The following CDH12 variants were observed in gnomAD, a reference collection of about 807,000 sequenced individuals.
CDH12 encodes the protein cadherin-12.
Under a neutral mutation model 74.1 loss-of-function variants are expected in CDH12, and 41 were observed. The observed-to-expected ratio is 0.55, with a 90% CI of 0.43 to 0.72. CDH12 has a LOEUF of 0.72. CDH12 is among the 30% of genes least tolerant of loss of function. The pLI is 0.00. For synonymous variants in CDH12, 399 were observed against 355.0 expected, an observed-to-expected ratio of 1.12 and a Z score of -1.39; for missense variants, 945 against 977.2, an observed-to-expected ratio of 0.97 and a Z score of 0.44.
intron 1 of CDH12, among the ~76,000 whole-genome samples, chr5:22,679,607 T>A (rs1192337940): frequency 1.3e-5 from 2 of 152,100 alleles, no homozygotes; most frequent in African/African-American, 4.8e-5. Flanking sequence ...CTGGGCATAT[T>A]ACTTGGATAG....
chr5:22,786,860 A>G (rs1224203085), intron 1 of CDH12, among the ~76,000 whole-genome samples: 1 of 152,036 alleles, frequency 6.6e-6, no homozygotes, highest in Non-Finnish European at 1.5e-5. Flanking sequence ...CTGGGACTAC[A>G]GATGCATGCC....
chr5:22,802,938 CTTGAAATTCATCA>C (rs796198132), intron 1 of CDH12, among the ~76,000 whole-genome samples: 46 of 152,212 alleles, frequency 3.0e-4, no homozygotes, highest in African/African-American at 1.1e-3. Context: ...TCATATTCAG[CTTGAAATTCATCA>C]TAAAGACCCA....
intron 2 of CDH12, among the ~76,000 whole-genome samples, chr5:22,446,434 TCAACAA>T (rs141057759): frequency 6.6e-6 from 1 of 152,038 alleles, no homozygotes; most frequent in African/African-American, 2.4e-5. Context: ...TACATTCTGT[TCAACAA>T]CAACAACAAC....
intron 3 of CDH12, among the ~76,000 whole-genome samples, chr5:22,305,705 A>G (rs1407245553): frequency 6.6e-6 from 1 of 152,174 alleles, no homozygotes; most frequent in Admixed American, 6.5e-5. Flanking sequence ...TGGGGGCAGC[A>G]AGTCCTCTGA....
chr5:22,610,423 A>C (rs1450445417), intron 1 of CDH12, among the ~76,000 whole-genome samples: 8 of 152,188 alleles, frequency 5.3e-5, no homozygotes, highest in Admixed American at 5.2e-4. Context: ...ATGCAAAAAT[A>C]AAACCGATCT....
chr5:22,259,835 C>A (rs1025587376), intron 3 of CDH12, among the ~76,000 whole-genome samples: 1 of 151,878 alleles, frequency 6.6e-6, no homozygotes, highest in African/African-American at 2.4e-5. Flanking sequence ...AACTTTGAAG[C>A]TGACCGAATT....
chr5:22,373,281 C>A (rs775719445), intron 3 of CDH12, among the ~76,000 whole-genome samples: 3 of 152,214 alleles, frequency 2.0e-5, no homozygotes, highest in Non-Finnish European at 4.4e-5. Flanking sequence ...CATGAGCCAC[C>A]TGTGTGGACT....
At chr5:22,394,655 T>G (rs971454588) in intron 3 of CDH12, among the ~76,000 whole-genome samples, 5 of 152,276 alleles carry the variant, frequency 3.3e-5, no homozygotes, top group Admixed American at 6.5e-5. Context: ...TGCTTGGGAC[T>G]GGTAACCTTT....
intron 3 of CDH12, among the ~76,000 whole-genome samples, chr5:22,272,870 C>T (rs533541589): frequency 6.6e-6 from 1 of 152,272 alleles, no homozygotes; most frequent in African/African-American, 2.4e-5. Context: ...TTAATTGACT[C>T]ACAATTCTGG....
chr5:22,616,208 GGA>G (rs3071769), intron 1 of CDH12, among the ~76,000 whole-genome samples: 3 of 152,026 alleles, frequency 2.0e-5, no homozygotes, highest in African/African-American at 4.8e-5. Context: ...GGAAAATAAA[GGA>G]GAGAGAGAGA....
chr5:22,793,445 A>C (rs1202868284), intron 1 of CDH12, among the ~76,000 whole-genome samples: 2 of 152,240 alleles, frequency 1.3e-5, no homozygotes, highest in African/African-American at 4.8e-5. Context: ...TACAGTGCAC[A>C]TGAATGAATT....
intron 1 of CDH12, among the ~76,000 whole-genome samples, chr5:22,556,131 A>C (rs1216404820): frequency 2.6e-5 from 4 of 152,034 alleles, no homozygotes; most frequent in Non-Finnish European, 5.9e-5. Context: ...ATGTGCTTTA[A>C]AACAGGACAC....
At chr5:22,652,958 G>C (rs1739817960) in intron 1 of CDH12, among the ~76,000 whole-genome samples, 1 of 152,078 alleles carries the variant, frequency 6.6e-6, no homozygotes, top group South Asian at 2.1e-4. Flanking sequence ...ATAAACAAAA[G>C]AGTGGAATCA....
intron 3 of CDH12, among the ~76,000 whole-genome samples, chr5:22,241,086 A>C (rs1752733715): frequency 6.6e-6 from 1 of 152,196 alleles, no homozygotes; most frequent in Admixed American, 6.5e-5. Context: ...TATTGCTTCA[A>C]GTGTTTAAAA....
chr5:22,792,421 G>A (rs1747963435), intron 1 of CDH12, among the ~76,000 whole-genome samples: 1 of 152,070 alleles, frequency 6.6e-6, no homozygotes, highest in Non-Finnish European at 1.5e-5. Flanking sequence ...TTGGCTTACT[G>A]CATATTACTT....
intron 4 of CDH12, among the ~76,000 whole-genome samples, chr5:22,116,676 T>A (rs901079201): frequency 1.3e-5 from 2 of 151,538 alleles, no homozygotes; most frequent in Non-Finnish European, 2.9e-5. Flanking sequence ...GGTTTTAGCC[T>A]AGTGATGCCT....
At position 21,752,005 on chromosome 5, in the gene CDH12, G is replaced by T; in HGVS notation, c.2117C>A (p.Pro706His). Reference protein sequence around the residue: ...DSLCLPRQRPPMEDNTDIRDF... With the variant: ...DSLCLPRQRPHMEDNTDIRDF... ...CCTTATGTCTGTGTTATCTTCCATG[G>T]GTGGTCTCTGACGAGGTAAACAGAG... Residue 706 changes from proline to histidine, a missense_variant, in exon 15 of 15, where the codon CCC becomes CAC. Coordinates refer to ENST00000382254, the MANE Select transcript of CDH12 (RefSeq NM_004061.5). 1 of 1,614,026 alleles carries T rather than the reference G, an allele frequency of 6.2e-7. No individual in the cohort carries two copies. Among genetic ancestry groups the T allele is most frequent in the Non-Finnish European group, 8.5e-7 (1 of 1,179,994 alleles).
intron 3 of CDH12, among the ~76,000 whole-genome samples, chr5:22,315,299 T>C (rs1197315398): frequency 6.6e-6 from 1 of 151,758 alleles, no homozygotes; most frequent in African/African-American, 2.4e-5. Context: ...AAAAGATCAT[T>C]TATCCTTTTT....
intron 1 of CDH12, among the ~76,000 whole-genome samples, chr5:22,661,927 T>C (rs1186468612): frequency 6.6e-6 from 1 of 152,148 alleles, no homozygotes; most frequent in African/African-American, 2.4e-5. Flanking sequence ...TTATATTTAA[T>C]AAGAATCATT....
Sources: gnomAD v4.1 joint callset for allele counts (sites outside exome capture counted in the v4.1 genomes callset) on GRCh38, gnomAD v4.1.1 for gene constraint, MANE v1.5 for transcripts, NCBI Gene and HGNC (gene_info 2026-07-23, HGNC 2026-07-21) for gene names.